C8orf88: variants seen among roughly 807,000 people sequenced by gnomAD.
C8orf88 encodes the protein uncharacterized protein C8orf88.
In C8orf88, 14 loss-of-function variants were observed where a neutral mutation model predicts 18.4. The ratio of observed to expected loss-of-function variants is 0.76; its 90% CI spans 0.50 to 1.19. The LOEUF (loss-of-function observed/expected upper bound fraction) is 1.19. Ranked by LOEUF, C8orf88 falls within the 50% of genes most tolerant of loss-of-function variation. C8orf88 has a pLI of 0.00. For missense variants in C8orf88, 116 were observed against 134.7 expected, an observed-to-expected ratio of 0.86 and a Z score of 0.69; for synonymous variants, 45 against 42.9, an observed-to-expected ratio of 1.05 and a Z score of -0.19.
At chr8:90,964,541 T>C (rs1811168629) in intron 4 of C8orf88, among the ~76,000 whole-genome samples, 1 of 151,618 alleles carries the variant, frequency 6.6e-6, no homozygotes, top group South Asian at 2.1e-4. Context: ...ACTTAAAGGA[T>C]AGTACACAAC....
intron 1 of C8orf88, among the ~76,000 whole-genome samples, chr8:90,984,310 C>G (rs952061553): frequency 6.6e-6 from 1 of 152,166 alleles, no homozygotes. Flanking sequence ...CAAAACATTA[C>G]AAAGTTAGGA....
chr8:90,960,637 TTATAA>T (rs1811111996), intron 5 of C8orf88, 100 bp downstream of exon 5: 4 of 578,172 alleles, frequency 6.9e-6, no homozygotes, highest in African/African-American at 1.9e-5. Flanking sequence ...TACTTATATC[TTATAA>T]TAAGGAAGGT....
At chr8:90,981,427 A>G (rs1037103863) in intron 1 of C8orf88, among the ~76,000 whole-genome samples, 3 of 152,300 alleles carry the variant, frequency 2.0e-5, no homozygotes, top group South Asian at 2.1e-4. Flanking sequence ...CCAAACAGCT[A>G]TTTATCTGTC....
chr8:90,969,790 G>A (rs1323545644), intron 4 of C8orf88, among the ~76,000 whole-genome samples: 1 of 151,766 alleles, frequency 6.6e-6, no homozygotes, highest in Non-Finnish European at 1.5e-5. Flanking sequence ...TGGTGACTGG[G>A]TGAATTCCAC....
At position 90,978,607 on chromosome 8, in the gene C8orf88, G is replaced by A. The variant is rs1811386588; in HGVS notation, c.119C>T (p.Thr40Ile). The A allele has an allele frequency of 1.3e-6, 2 of 1,530,444 alleles. No homozygotes were observed. The highest frequency in any genetic ancestry group is 1.7e-6 in the Non-Finnish European group (2 of 1,143,776). The allele number at this position is 1,530,444 out of a possible 1,614,324, so 94.8% of individuals were successfully genotyped here. A position where few individuals can be genotyped will look rare whatever the true frequency, so the allele number is the denominator to read the frequency against. Residue 40 changes from threonine to isoleucine, a missense_variant, in exon 3 of 6, where the codon ACT becomes ATT. By Grantham distance (89) the Thr-to-Ile change is moderately conservative. Transcript: ENST00000517562. ...FNFQNEYPCN[T>I]QCIQSGVSRC... The stretch of plus-strand genomic sequence containing the variant: ...GCTAACTCCACTTTGTATGCACTGA[G>A]TGTTGCATGGATATTCGTTTTGAAA...
chr8:90,961,155 A>G (rs1390013469), intron 4 of C8orf88, among the ~76,000 whole-genome samples: 2 of 151,456 alleles, frequency 1.3e-5, no homozygotes, highest in Admixed American at 1.3e-4. Flanking sequence ...AAATATAACC[A>G]CAGTAATAAC....
At chr8:90,971,903 C>T (rs1028649710) in intron 3 of C8orf88, among the ~76,000 whole-genome samples, 9 of 151,918 alleles carry the variant, frequency 5.9e-5, no homozygotes, top group East Asian at 1.9e-4. Flanking sequence ...GAACCCAGAA[C>T]GCAAGACATC....
At chr8:90,965,123 G>A (rs1226965439) in intron 4 of C8orf88, among the ~76,000 whole-genome samples, 3 of 151,472 alleles carry the variant, frequency 2.0e-5, no homozygotes, top group African/African-American at 7.3e-5. Flanking sequence ...ATTATATTCT[G>A]TCTACAAGAG....
rs548888695 is a variant in C8orf88 at position 90,976,376 on chromosome 8, C to T, written c.147+2203G>A. ...AATTGAAGCAGCAGACAAAACTGTA[C>T]GTTTAGAAGTAATTTAATTCATAAT... On this transcript the variant is annotated intron_variant, in intron 3 of 5. Coordinates refer to ENST00000517562, the MANE Select transcript of C8orf88 (RefSeq NM_001190972.2). Among the ~76,000 whole-genome samples, 50 of 152,036 alleles carry T rather than the reference C, an allele frequency of 3.3e-4. No homozygotes were observed. The South Asian group carries it at 7.7e-3, about 23-fold the overall frequency.
chr8:90,961,442 G>T (rs1382472405), intron 4 of C8orf88, among the ~76,000 whole-genome samples: 2 of 151,114 alleles, frequency 1.3e-5, no homozygotes, highest in Admixed American at 6.6e-5. Flanking sequence ...GAAGACAATG[G>T]AATAATATTT....
rs1405008739 is a variant in C8orf88, at chr8:90,978,491, A to G, written c.147+88T>C. ...TACATAAATTTTTATAAAGTATATA[A>G]GCATAGTATCTGGCACACAATAGCC... On this transcript the variant is annotated intron_variant, in intron 3 of 5. Coordinates refer to ENST00000517562, the MANE Select transcript of C8orf88 (RefSeq NM_001190972.2). The G allele has an allele frequency of 3.7e-5, 24 of 657,118 alleles. No homozygotes were observed. The South Asian group carries it at 7.3e-4, about 20-fold the overall frequency. 40.7% of individuals were successfully genotyped at this position (657,118 alleles called of 1,614,324 possible).
intron 4 of C8orf88, among the ~76,000 whole-genome samples, chr8:90,962,227 G>A (rs902945723): frequency 1.3e-5 from 2 of 151,514 alleles, no homozygotes; most frequent in African/African-American, 2.4e-5. Flanking sequence ...TCAAGTGTGA[G>A]AACAGAATAA....
chr8:90,984,734 A>G (rs187454789), intron 1 of C8orf88, among the ~76,000 whole-genome samples: 1 of 152,266 alleles, frequency 6.6e-6, no homozygotes, highest in East Asian at 1.9e-4. Context: ...ACCTTGTGCC[A>G]CCGGGTGGAG....
rs1811080366 is a variant in C8orf88, at chr8:90,958,863, A to G, written c.*144T>C. 1.8e-6 allele frequency: 1 copy of G among 554,614 alleles called. No individual in the cohort carries two copies. The highest frequency in any genetic ancestry group is 2.3e-5 in the South Asian group (1 of 44,178). 34.4% of individuals were successfully genotyped at this position (554,614 alleles called of 1,614,324 possible). A position where few individuals can be genotyped will look rare whatever the true frequency, so the allele number is the denominator to read the frequency against. On this transcript the variant is annotated 3_prime_UTR_variant, in exon 6 of 6. Transcript: ENST00000517562. The stretch of plus-strand genomic sequence containing the variant: ...TAGAAAATTCTTTATATTTTAAAAT[A>G]GCTCTTTCTCATTTTTAGAGAAGTC...
intron 4 of C8orf88, 36 bp from the exon 5 acceptor site, chr8:90,960,884 A>G: frequency 8.2e-7 from 1 of 1,225,912 alleles, no homozygotes; most frequent in Non-Finnish European, 1.2e-6. Context: ...ATGTTAGGAA[A>G]TGTAGGGCTG....
chr8:90,968,489 G>A (rs893476845), intron 4 of C8orf88, among the ~76,000 whole-genome samples: 3 of 150,646 alleles, frequency 2.0e-5, no homozygotes, highest in African/African-American at 7.3e-5. Flanking sequence ...AGAAGGAAAC[G>A]GGTAAATCTT....
chr8:90,981,414 C>T (rs758310042), intron 1 of C8orf88, among the ~76,000 whole-genome samples: 1 of 152,190 alleles, frequency 6.6e-6, no homozygotes, highest in African/African-American at 2.4e-5. Context: ...TGCTGCTCTT[C>T]TTCCAAACAG....
chr8:90,979,450 A>G (rs750929183), intron 2 of C8orf88, among the ~76,000 whole-genome samples: 2 of 152,232 alleles, frequency 1.3e-5, no homozygotes, highest in African/African-American at 2.4e-5. Flanking sequence ...ATGGTCCCAG[A>G]AGATCCATTA....
intron 4 of C8orf88, among the ~76,000 whole-genome samples, chr8:90,966,353 T>G (rs1586160866): frequency 2.9e-5 from 2 of 68,988 alleles, no homozygotes; most frequent in East Asian, 4.8e-4. Context: ...GGGACTGTTG[T>G]GGGGTGGGGG....
Sources: allele counts gnomAD v4.1 joint callset (sites outside exome capture counted in the v4.1 genomes callset), GRCh38; gene constraint gnomAD v4.1.1; transcripts MANE v1.5; gene names NCBI Gene and HGNC (gene_info 2026-07-23, HGNC 2026-07-21).